Variants in TMEM116 observed in about 807,000 individuals in gnomAD.
The protein encoded by TMEM116 is transmembrane protein 116.
A neutral mutation model predicts 44.3 loss-of-function variants in TMEM116; 38 were observed. The observed-to-expected ratio is 0.86, with a 90% confidence interval of 0.66 to 1.12. The LOEUF is 1.12. Among genes scored for constraint, TMEM116 ranks in the 50% most tolerant of loss-of-function variants. The pLI is 0.00. For synonymous variants in TMEM116, 132 were observed against 144.8 expected, an observed-to-expected ratio of 0.91 and a Z score of 0.64; for missense variants, 354 against 401.7, an observed-to-expected ratio of 0.88 and a Z score of 1.01.
intron 4 of TMEM116, among the ~76,000 whole-genome samples, chr12:111,955,098 G>A (rs1294197308): frequency 6.6e-6 from 1 of 152,188 alleles, no homozygotes; most frequent in East Asian, 1.9e-4. Context: ...AGTTTACATA[G>A]GCCTCGGAAC....
At chr12:112,006,065 T>A in intron 1 of TMEM116, 2 of 805,664 alleles carry the variant, frequency 2.5e-6, no homozygotes, top group Non-Finnish European at 3.0e-6. Context: ...CCTGAAGCAG[T>A]GAACAGGTGG....
intron 3 of TMEM116, among the ~76,000 whole-genome samples, chr12:112,001,175 C>T (rs190390434): frequency 6.6e-6 from 1 of 152,312 alleles, no homozygotes; most frequent in Admixed American, 6.5e-5. Context: ...AAAAGAGTCA[C>T]GTCCTAAGCC....
chr12:111,996,421 A>C (rs1208054399), intron 3 of TMEM116, among the ~76,000 whole-genome samples: 12 of 152,206 alleles, frequency 7.9e-5, no homozygotes, highest in African/African-American at 2.9e-4. Context: ...AATGGCCATA[A>C]ACATATGCAA....
In TMEM116 at chr12:111,991,823, G is replaced by T; in HGVS notation, c.145C>A (p.Leu49Ile). 6.5e-7 allele frequency: 1 copy of T among 1,536,076 alleles called. No homozygotes were observed. The highest frequency in any genetic ancestry group is 8.7e-7 in the Non-Finnish European group (1 of 1,146,726). ...LLGLCWLTET[L>I]LYGASVANKD... is the part of the protein sequence containing the mutation. ...TTTGCTACTGAAGCTCCATAGAGAA[G>T]TGTCTCCGTGAGCCAGCAAAGTCCC... The change falls in exon 4 of 11, where the codon CTT becomes ATT. Residue 49 changes from leucine (L) to isoleucine (I), a missense_variant. Physicochemically the swap from Leu to Ile is conservative, Grantham distance 5. Transcript: ENST00000552374.
intron 3 of TMEM116, among the ~76,000 whole-genome samples, chr12:111,999,457 A>G (rs2077120230): frequency 6.6e-6 from 1 of 151,958 alleles, no homozygotes; most frequent in Non-Finnish European, 1.5e-5. Context: ...TTAGCTGGGC[A>G]TGCTGGCGCA....
At chr12:111,940,523 G>GTATGTATATATA (rs2072680407) in intron 5 of TMEM116, among the ~76,000 whole-genome samples, 2 of 104,936 alleles carry the variant, frequency 1.9e-5, no homozygotes, top group East Asian at 1.3e-3. Flanking sequence ...ATATATATGT[G>GTATGTATATATA]TATATATATA....
At chr12:112,005,728 T>A in intron 1 of TMEM116, 1 of 982,208 alleles carries the variant, frequency 1.0e-6, no homozygotes, top group Non-Finnish European at 1.2e-6. Flanking sequence ...GTAGAAAAAG[T>A]TAAATGTTGA....
intron 4 of TMEM116, among the ~76,000 whole-genome samples, chr12:111,955,045 G>A (rs2073981803): frequency 6.6e-6 from 1 of 152,180 alleles, no homozygotes; most frequent in African/African-American, 2.4e-5. Context: ...GAAAGTTTAG[G>A]TTAGATAACA....
intron 4 of TMEM116, among the ~76,000 whole-genome samples, chr12:111,991,163 G>C (rs1412518056): frequency 7.1e-6 from 1 of 140,084 alleles, no homozygotes; most frequent in Non-Finnish European, 1.5e-5. Flanking sequence ...AGGTTGCAGT[G>C]AGCCAAGATC....
chr12:111,963,257 C>T (rs777263720), intron 4 of TMEM116, among the ~76,000 whole-genome samples: 9 of 152,266 alleles, frequency 5.9e-5, no homozygotes, highest in Middle Eastern at 3.4e-3. Context: ...TTGTGGAAGA[C>T]GGTGTGGCAA....
intron 4 of TMEM116, among the ~76,000 whole-genome samples, chr12:111,988,215 G>A (rs2076332254): frequency 6.6e-6 from 1 of 152,178 alleles, no homozygotes; most frequent in African/African-American, 2.4e-5. Context: ...CACAGCTTGA[G>A]ATGATGAAAA....
At chr12:111,946,178 T>G (rs982673166) in intron 4 of TMEM116, among the ~76,000 whole-genome samples, 32 of 152,228 alleles carry the variant, frequency 2.1e-4, no homozygotes, top group African/African-American at 7.5e-4. Flanking sequence ...TCACATGCTT[T>G]TACTTTTTCT....
At chr12:112,000,786 A>C (rs1305415913) in intron 3 of TMEM116, 3 of 533,356 alleles carry the variant, frequency 5.6e-6, no homozygotes, top group Non-Finnish European at 1.1e-5. Context: ...TACTATTATC[A>C]ATGGCATTCT....
intron 4 of TMEM116, among the ~76,000 whole-genome samples, chr12:111,984,914 A>C (rs1344646476): frequency 6.6e-6 from 1 of 152,170 alleles, no homozygotes; most frequent in Non-Finnish European, 1.5e-5. Flanking sequence ...TTTATTATAC[A>C]TTTACCAATA....
intron 4 of TMEM116, among the ~76,000 whole-genome samples, chr12:111,944,576 T>C (rs555982768): frequency 7.2e-5 from 11 of 152,232 alleles, no homozygotes; most frequent in Admixed American, 2.6e-4. Context: ...AGAATTCAGT[T>C]TGGGAGGCCA....
Position 111,943,337 on chromosome 12 carries a change from G to T in TMEM116, c.243C>A (p.Val81=), listed in dbSNP as rs1237188401. 6.8e-6 allele frequency: 11 copies of T among 1,613,862 alleles called. No homozygotes were observed. Among genetic ancestry groups the T allele is most frequent in the African/African-American group, 1.3e-5 (1 of 74,904 alleles). The change falls in exon 5 of 11, where the codon GTC becomes GTA. Residue 81 remains valine, a synonymous_variant. Coordinates refer to ENST00000552374, the MANE Select transcript of TMEM116 (RefSeq NM_001193531.2). ...IFYISSFLYT[V]NYIWYLYTEL... Reference sequence around the variant, plus strand: ...CTGTGTACAAATACCAGATGTAATTGACGGTGTAGAGAAATGAGGAAATGT... The same window carrying T: ...CTGTGTACAAATACCAGATGTAATTTACGGTGTAGAGAAATGAGGAAATGT...
intron 3 of TMEM116, among the ~76,000 whole-genome samples, chr12:111,997,373 A>C (rs1204432785): frequency 1.3e-5 from 2 of 152,102 alleles, no homozygotes; most frequent in Non-Finnish European, 2.9e-5. Flanking sequence ...TGGCAACATA[A>C]CAAGACCCCT....
At chr12:111,961,650 T>G (rs7970920) in intron 4 of TMEM116, among the ~76,000 whole-genome samples, 40,723 of 151,928 alleles carry the variant, frequency 0.27, 7,118 homozygotes, top group East Asian at 0.85. Flanking sequence ...CAATAAACTA[T>G]GTATTGATGG....
At chr12:111,947,048 A>G (rs2073341434) in intron 4 of TMEM116, among the ~76,000 whole-genome samples, 1 of 152,196 alleles carries the variant, frequency 6.6e-6, no homozygotes, top group Non-Finnish European at 1.5e-5. Context: ...AACTGGCCTA[A>G]AAAAACCAAA....
Sources: allele counts gnomAD v4.1 joint callset (sites outside exome capture counted in the v4.1 genomes callset), GRCh38; gene constraint gnomAD v4.1.1; transcripts MANE v1.5; gene names NCBI Gene and HGNC (gene_info 2026-07-23, HGNC 2026-07-21).